Variants in ANO4 observed in about 807,000 individuals in gnomAD.
The protein encoded by ANO4 is anoctamin 4.
In ANO4, 69 loss-of-function variants were observed where a neutral mutation model predicts 141.9. The ratio of observed to expected loss-of-function variants is 0.49; its 90% CI spans 0.40 to 0.59. ANO4 has a LOEUF of 0.59. ANO4 is among the 20% of genes least tolerant of loss of function. The pLI is 0.00. For synonymous variants in ANO4, 350 were observed against 394.3 expected (o/e 0.89, Z 1.33); for missense variants, 894 against 1,162.2 (o/e 0.77, Z 3.36).
chr12:100,949,238 C>A (rs1175551114), intron 5 of ANO4, among the ~76,000 whole-genome samples: 1 of 152,184 alleles, frequency 6.6e-6, no homozygotes, highest in African/African-American at 2.4e-5. Flanking sequence ...TGACTTCCAC[C>A]CTCTAGAAAC....
chr12:101,107,131 C>CTTT (rs2050480955), intron 22 of ANO4, among the ~76,000 whole-genome samples: 1 of 152,100 alleles, frequency 6.6e-6, no homozygotes, highest in African/African-American at 2.4e-5. Flanking sequence ...ACTCTAGTTG[C>CTTT]TTTTTCTGTC....
At chr12:101,097,467 A>G (rs1296781579) in intron 19 of ANO4, among the ~76,000 whole-genome samples, 184 bp from the exon 20 acceptor site, 2 of 152,206 alleles carry the variant, frequency 1.3e-5, no homozygotes, top group Admixed American at 1.3e-4. Flanking sequence ...GCCAGAAGAG[A>G]CATGTGCCCT....
intron 5 of ANO4, among the ~76,000 whole-genome samples, chr12:100,952,576 G>A (rs894209841): frequency 6.6e-6 from 1 of 152,168 alleles, no homozygotes; most frequent in Admixed American, 6.5e-5. Flanking sequence ...GATGGCAAGA[G>A]ATATAACGAT....
chr12:100,864,333 G>C (rs1225640945), intron 1 of ANO4, among the ~76,000 whole-genome samples: 2 of 152,120 alleles, frequency 1.3e-5, no homozygotes, highest in African/African-American at 4.8e-5. Context: ...AGGAGGAAAG[G>C]CAGGCCCCCA....
chr12:100,989,605 C>G (rs2044953914), intron 8 of ANO4, among the ~76,000 whole-genome samples: 5 of 88,754 alleles, frequency 5.6e-5, no homozygotes, highest in Admixed American at 2.1e-4. Flanking sequence ...ATGGATAGGT[C>G]ACTGGATGGA....
intron 14 of ANO4, among the ~76,000 whole-genome samples, chr12:101,070,348 G>A (rs2048760635): frequency 6.6e-6 from 1 of 152,020 alleles, no homozygotes; most frequent in African/African-American, 2.4e-5. Context: ...AGAATAGAGA[G>A]CCCCAAAACA....
chr12:100,798,891 T>C (rs574006235), intron 1 of ANO4, among the ~76,000 whole-genome samples: 131 of 152,334 alleles, frequency 8.6e-4, no homozygotes, highest in African/African-American at 3.0e-3. Flanking sequence ...ACTGACCTTT[T>C]GGTGTGTGTG....
Position 100,830,667 on chromosome 12 carries a change from A to T in ANO4, c.-141+35640A>T, listed in dbSNP as rs955724530. On this transcript the variant is annotated intron_variant, in intron 1 of 27. Transcript: ENST00000392977. ...ATCCAGCCACTCTCTGTTGGTTCTT[A>T]TGTCATCCTTCCTGCTCAGACAGGG... is the stretch of plus-strand genomic sequence containing the variant. 2.6e-5 allele frequency among the ~76,000 whole-genome samples: 4 copies of T among 151,994 alleles called. 1 individual carries two copies. Among genetic ancestry groups the T allele is most frequent in the Non-Finnish European group, 4.4e-5 (3 of 67,978 alleles).
rs1298276350 is a variant in ANO4 at position 100,931,888 on chromosome 12, A to G, written c.161-7427A>G. Among the ~76,000 whole-genome samples, 9 of 152,278 alleles carry G rather than the reference A, an allele frequency of 5.9e-5. No homozygotes were observed. In the East Asian group the frequency reaches 1.7e-3, roughly 29 times the overall value. On this transcript the variant is annotated intron_variant, in intron 3 of 27. Coordinates refer to ENST00000392977, the MANE Select transcript of ANO4 (RefSeq NM_001286615.2). Reference sequence around the variant, plus strand: ...TAGCTCTTCACCTTAAAGGGACCTTAGTCTAAAGACATAGAGATGGACTTA... The same window carrying G: ...TAGCTCTTCACCTTAAAGGGACCTTGGTCTAAAGACATAGAGATGGACTTA...
At chr12:100,779,628 C>T (rs1013208603) in intron 3 of ANO4, among the ~76,000 whole-genome samples, 7 of 152,160 alleles carry the variant, frequency 4.6e-5, no homozygotes, top group African/African-American at 7.2e-5. Context: ...CACTGTGTGG[C>T]TCTCTCCAGG....
intron 14 of ANO4, among the ~76,000 whole-genome samples, chr12:101,050,997 C>T (rs1270222652): frequency 6.6e-6 from 1 of 152,146 alleles, no homozygotes; most frequent in Non-Finnish European, 1.5e-5. Context: ...AATATTTCAC[C>T]AATTTCAAAT....
chr12:100,738,882 T>A (rs2135464184), intron 2 of ANO4, among the ~76,000 whole-genome samples: 1 of 151,822 alleles, frequency 6.6e-6, no homozygotes, highest in East Asian at 1.9e-4. Context: ...CTAGTTCTCA[T>A]GCTGTATATT....
chr12:101,006,203 T>G (rs2045865328), intron 8 of ANO4, among the ~76,000 whole-genome samples: 1 of 152,222 alleles, frequency 6.6e-6, no homozygotes, highest in Non-Finnish European at 1.5e-5. Flanking sequence ...GTTTTCCTGT[T>G]CCTGCAGAAA....
chr12:100,857,962 G>A (rs1014557063), intron 1 of ANO4, among the ~76,000 whole-genome samples: 1 of 152,120 alleles, frequency 6.6e-6, no homozygotes, highest in Non-Finnish European at 1.5e-5. Flanking sequence ...AAAATGAAAT[G>A]TGACTATTTA....
intron 3 of ANO4, among the ~76,000 whole-genome samples, chr12:100,938,917 C>T (rs1241307425): frequency 1.3e-5 from 2 of 152,116 alleles, no homozygotes; most frequent in Non-Finnish European, 2.9e-5. Context: ...CTATACGACA[C>T]TTAAATGAAA....
At chr12:101,029,533 T>A (rs2046881068) in intron 9 of ANO4, among the ~76,000 whole-genome samples, 1 of 152,166 alleles carries the variant, frequency 6.6e-6, no homozygotes, top group South Asian at 2.1e-4. Flanking sequence ...GCAAACCTCA[T>A]CTCTGACAAA....
intron 3 of ANO4, among the ~76,000 whole-genome samples, chr12:100,789,349 T>G (rs991216185): frequency 6.6e-6 from 1 of 152,176 alleles, no homozygotes; most frequent in Non-Finnish European, 1.5e-5. Context: ...GCACTTGGAA[T>G]GACATAAGTG....
intron 14 of ANO4, among the ~76,000 whole-genome samples, chr12:101,070,879 A>G (rs2048781421): frequency 6.6e-6 from 1 of 152,208 alleles, no homozygotes; most frequent in Non-Finnish European, 1.5e-5. Context: ...GACATTTCTC[A>G]AAAGAAGACC....
chr12:100,988,744 A>ACG (rs2044867197), intron 8 of ANO4, among the ~76,000 whole-genome samples: 1 of 151,588 alleles, frequency 6.6e-6, no homozygotes, highest in Non-Finnish European at 1.5e-5. Context: ...GGTGGTGCAC[A>ACG]CCTGTAATCC....
Sources: allele counts gnomAD v4.1 joint callset (sites outside exome capture counted in the v4.1 genomes callset), GRCh38; gene constraint gnomAD v4.1.1; transcripts MANE v1.5; gene names NCBI Gene and HGNC (gene_info 2026-07-23, HGNC 2026-07-21).